GABRA2: variants seen among roughly 807,000 people sequenced by gnomAD.
The protein encoded by GABRA2 is gamma-aminobutyric acid receptor subunit alpha-2.
A neutral mutation model predicts 48.7 loss-of-function variants in GABRA2; 16 were observed. The observed-to-expected ratio is 0.33, with a 90% confidence interval of 0.22 to 0.50. The LOEUF is 0.50. Among genes scored for constraint, GABRA2 ranks in the 20% least tolerant of loss-of-function variants. The pLI is 0.98. For synonymous variants in GABRA2, 185 were observed against 184.5 expected (o/e 1.00, Z -0.02); for missense variants, 275 against 535.6 (o/e 0.51, Z 4.80).
chr4:46,378,030 A>G (rs1490120599), intron 3 of GABRA2, among the ~76,000 whole-genome samples: 1 of 121,996 alleles, frequency 8.2e-6, no homozygotes, highest in African/African-American at 3.3e-5. Context: ...TCCGGGAGGG[A>G]GGTGGGGGGT....
At chr4:46,285,789 TA>T (rs1722444083) in intron 8 of GABRA2, among the ~76,000 whole-genome samples, 1 of 152,030 alleles carries the variant, frequency 6.6e-6, no homozygotes, top group South Asian at 2.1e-4. Context: ...GTCATCTGCA[TA>T]AAATATTTAT....
Position 46,305,569 on chromosome 4 carries a change from T to A in GABRA2, c.702A>T (p.Thr234=). 6.2e-7 allele frequency: 1 copy of A among 1,613,336 alleles called. No individual in the cohort carries two copies. Among genetic ancestry groups the A allele is most frequent in the Non-Finnish European group, 8.5e-7 (1 of 1,179,720 alleles). ...SIGKETIKSS[T]GEYTVMTAHF... ...TTTTTAAAGACTAATTTTACTAACCTGTACTGGATTTAATTGTCTCCTTTC... is the reference window on the plus strand; with the variant it reads ...TTTTTAAAGACTAATTTTACTAACCAGTACTGGATTTAATTGTCTCCTTTC... Residue 234 remains threonine, a splice_region_variant and synonymous_variant, in exon 7 of 10, where the codon ACA becomes ACT. Transcript: ENST00000381620.
chr4:46,267,439 G>C (rs995952258), intron 8 of GABRA2, among the ~76,000 whole-genome samples: 1 of 151,964 alleles, frequency 6.6e-6, no homozygotes, highest in Non-Finnish European at 1.5e-5. Flanking sequence ...TGTGTGGTCA[G>C]TAAAACGTCT....
intron 3 of GABRA2, among the ~76,000 whole-genome samples, chr4:46,343,774 A>G (rs1733688533): frequency 6.6e-6 from 1 of 152,022 alleles, no homozygotes; most frequent in Admixed American, 6.6e-5. Flanking sequence ...AAAATCACTT[A>G]TAGCTGACAC....
intron 8 of GABRA2, among the ~76,000 whole-genome samples, chr4:46,279,064 C>T (rs1336306594): frequency 2.0e-5 from 3 of 151,946 alleles, no homozygotes; most frequent in Non-Finnish European, 4.4e-5. Flanking sequence ...ACTCCCAGAA[C>T]TTACAGTTAG....
chr4:46,340,879 T>A (rs888428170), intron 3 of GABRA2, among the ~76,000 whole-genome samples: 1 of 152,012 alleles, frequency 6.6e-6, no homozygotes. Flanking sequence ...GTTGGTATGC[T>A]TTATGTGTTC....
At chr4:46,273,708 A>G (rs1160824825) in intron 8 of GABRA2, among the ~76,000 whole-genome samples, 4 of 151,952 alleles carry the variant, frequency 2.6e-5, no homozygotes, top group Non-Finnish European at 5.9e-5. Flanking sequence ...GGCACAAGAC[A>G]TCCAAGCACA....
chr4:46,262,823 G>A (rs6820082), intron 8 of GABRA2, among the ~76,000 whole-genome samples: 13,108 of 151,856 alleles, frequency 0.086, 1,876 homozygotes, highest in African/African-American at 0.3. Context: ...CTTAAACCCA[G>A]GAGACAGAGG....
In GABRA2 at chr4:46,248,977, C is replaced by T. The variant is rs1299398645; in HGVS notation, c.*1331G>A. 2 of 149,790 alleles carry T rather than the reference C, an allele frequency of 1.3e-5. No individual in the cohort carries two copies. Among genetic ancestry groups the T allele is most frequent in the East Asian group, 2.0e-4 (1 of 5,062 alleles). The allele number at this position is 149,790 out of a possible 1,614,324, so 9.3% of individuals were successfully genotyped here. A position where few individuals can be genotyped will look rare whatever the true frequency, so the allele number is the denominator to read the frequency against. On this transcript the variant is annotated 3_prime_UTR_variant, in exon 10 of 10. Transcript: ENST00000381620. ...TATTAAAAGAAAAATGAATTTTACC[C>T]ATTAATAACTAGTAATTATATAAAA...
intron 3 of GABRA2, among the ~76,000 whole-genome samples, chr4:46,363,421 A>G (rs1168693412): frequency 6.6e-6 from 1 of 152,132 alleles, no homozygotes; most frequent in Non-Finnish European, 1.5e-5. Context: ...AAGAATAAAA[A>G]CGAGAGCAAG....
intron 3 of GABRA2, among the ~76,000 whole-genome samples, chr4:46,372,526 T>C (rs1715057653): frequency 6.6e-6 from 1 of 152,132 alleles, no homozygotes; most frequent in Admixed American, 6.5e-5. Flanking sequence ...AAGCCACCTT[T>C]TTAAGAACTC....
rs969139489 is a variant in GABRA2, at chr4:46,269,358, T to C, written c.857-7230A>G. Reference sequence around the variant, plus strand: ...ATAAAAAAGAAAGTATAGAGATAAGTGATATACAAGACTCCTCTTTGAACA... The same window carrying C: ...ATAAAAAAGAAAGTATAGAGATAAGCGATATACAAGACTCCTCTTTGAACA... On this transcript the variant is annotated intron_variant, in intron 8 of 9. Transcript: ENST00000381620. 2.0e-5 allele frequency among the ~76,000 whole-genome samples: 3 copies of C among 151,792 alleles called. No individual in the cohort carries two copies. In the East Asian group the frequency reaches 5.8e-4, roughly 29 times the overall value.
At position 46,271,605 on chromosome 4, in the gene GABRA2, T is replaced by G. The variant is rs1307444055; in HGVS notation, c.857-9477A>C. Among the ~76,000 whole-genome samples the G allele has an allele frequency of 5.3e-5, 8 of 151,968 alleles. No homozygotes were observed. The East Asian group carries it at 1.5e-3, about 29-fold the overall frequency. On this transcript the variant is annotated intron_variant, in intron 8 of 9. Coordinates refer to ENST00000381620, the MANE Select transcript of GABRA2 (RefSeq NM_000807.4). ...AGAAATTAGAATTTGGATGACATAT[T>G]TTCTCAAAAACCTTAACTCAAACTC...
intron 8 of GABRA2, among the ~76,000 whole-genome samples, chr4:46,262,334 ACT>A (rs113149358): frequency 0.013 from 1,930 of 152,152 alleles, 42 homozygotes; most frequent in African/African-American, 0.043. Context: ...TGATGTAATG[ACT>A]CTCAAAATAC....
Position 46,247,354 on chromosome 4 carries a change from T to C in GABRA2, c.*2954A>G, listed in dbSNP as rs927000839. ...TAAAGAACTCCCAGTACTAAATTAA[T>C]TTACATGTTTTATATAGTCTTTAAT... On this transcript the variant is annotated 3_prime_UTR_variant, in exon 10 of 10. Coordinates refer to ENST00000381620, the MANE Select transcript of GABRA2 (RefSeq NM_000807.4). 6.6e-6 allele frequency among the ~76,000 whole-genome samples: 1 copy of C among 151,136 alleles called. No individual in the cohort carries two copies. The highest frequency in any genetic ancestry group is 2.4e-5 in the African/African-American group (1 of 41,286).
intron 7 of GABRA2, 121 bp downstream of exon 7, chr4:46,305,447 C>A: frequency 1.2e-6 from 1 of 826,472 alleles, no homozygotes; most frequent in South Asian, 1.8e-5. Context: ...CAAGCACAGC[C>A]TATGCTGCTA....
intron 3 of GABRA2, among the ~76,000 whole-genome samples, chr4:46,355,032 G>A (rs556401618): frequency 3.9e-5 from 6 of 152,166 alleles, no homozygotes; most frequent in African/African-American, 1.4e-4. Flanking sequence ...GAACTGAGTA[G>A]ACTCTTAATA....
chr4:46,380,638 A>G (rs1435406253), intron 3 of GABRA2, among the ~76,000 whole-genome samples: 1 of 152,208 alleles, frequency 6.6e-6, no homozygotes, highest in Non-Finnish European at 1.5e-5. Context: ...GGAGAGGTTG[A>G]GCAATGTGCT....
intron 4 of GABRA2, among the ~76,000 whole-genome samples, chr4:46,322,019 A>G (rs1729538611): frequency 6.6e-6 from 1 of 152,036 alleles, no homozygotes; most frequent in African/African-American, 2.4e-5. Context: ...TACAAACGGC[A>G]TATATTGCTA....
Sources: gnomAD v4.1 joint callset for allele counts (sites outside exome capture counted in the v4.1 genomes callset) on GRCh38, gnomAD v4.1.1 for gene constraint, MANE v1.5 for transcripts, NCBI Gene and HGNC (gene_info 2026-07-23, HGNC 2026-07-21) for gene names.